DENND4C: variants seen among roughly 807,000 people sequenced by gnomAD.
DENND4C encodes DENN domain containing 4C, also known as DENN domain-containing protein 4C.
In DENND4C, 108 loss-of-function variants were observed where a neutral mutation model predicts 203.0. The observed-to-expected ratio is 0.53, with a 90% CI of 0.46 to 0.62. The LOEUF is 0.62. Among genes scored for constraint, DENND4C ranks in the 20% least tolerant of loss-of-function variants. The probability of loss-of-function intolerance (pLI) is 0.00; values close to 1 mark genes in which losing one functional copy is unlikely to be tolerated. For synonymous variants in DENND4C, 871 were observed against 792.4 expected, an observed-to-expected ratio of 1.10 and a Z score of -1.67; for missense variants, 2,481 against 2,301.2, an observed-to-expected ratio of 1.08 and a Z score of -1.60.
chr9:19,329,622 A>G (rs1425916983), intron 16 of DENND4C, among the ~76,000 whole-genome samples: 3 of 152,190 alleles, frequency 2.0e-5, no homozygotes, highest in Non-Finnish European at 4.4e-5. Context: ...AGGCACTTCC[A>G]GGCTGTTTTC....
At position 19,357,165 on chromosome 9, in the gene DENND4C, G is replaced by A. The variant is rs756858685; in HGVS notation, c.4964+11G>A. ...TGCAGTTGAACCAAGGTATCAAAGG[G>A]TACAGAGACCTCTTTATGTAGTAAT... is the stretch of plus-strand genomic sequence containing the variant. On this transcript the variant is annotated intron_variant, in intron 27 of 32. Coordinates refer to ENST00000434457, the MANE Select transcript of DENND4C (RefSeq NM_001330640.2). 4 of 1,613,392 alleles carry A rather than the reference G, an allele frequency of 2.5e-6. No homozygotes were observed. Among genetic ancestry groups the A allele is most frequent in the Non-Finnish European group, 3.4e-6 (4 of 1,179,610 alleles).
In DENND4C at chr9:19,276,497, C is replaced by A. The variant is rs1832917708; in HGVS notation, c.305+18C>A. 2 of 1,228,624 alleles carry A rather than the reference C, an allele frequency of 1.6e-6. No individual in the cohort carries two copies. The highest frequency in any genetic ancestry group is 3.1e-5 in the African/African-American group (2 of 64,324). 76.1% of individuals were successfully genotyped at this position (1,228,624 alleles called of 1,614,324 possible). A position where few individuals can be genotyped will look rare whatever the true frequency, so the allele number is the denominator to read the frequency against. On this transcript the variant is annotated intron_variant, in intron 2 of 32. Coordinates refer to ENST00000434457, the MANE Select transcript of DENND4C (RefSeq NM_001330640.2). ...GATATTGGGTATGGTGACTTCTTTT[C>A]TTTGCTATAGTGAAGGAGTAAAATT...
chr9:19,370,105 CTATT>C, intron 31 of DENND4C, 118 bp downstream of exon 31: 1 of 1,219,210 alleles, frequency 8.2e-7, no homozygotes, highest in Non-Finnish European at 1.2e-6. Context: ...TGCAAAACAT[CTATT>C]GTTTTAAGTG....
intron 2 of DENND4C, among the ~76,000 whole-genome samples, chr9:19,278,228 C>T (rs1272522836): frequency 6.6e-6 from 1 of 151,910 alleles, no homozygotes; most frequent in Non-Finnish European, 1.5e-5. Context: ...CTCCGCCTCC[C>T]GGGTTCAAGT....
intron 12 of DENND4C, among the ~76,000 whole-genome samples, chr9:19,319,084 G>A (rs536634540): frequency 3.6e-4 from 55 of 151,390 alleles, no homozygotes; most frequent in Admixed American, 9.9e-4. Context: ...CAGGAGAATC[G>A]CTTCATCCCG....
chr9:19,305,530 A>G lies in DENND4C; in HGVS notation c.1487+3A>G, dbSNP rs1304399712. On this transcript the variant is annotated splice_donor_region_variant and intron_variant, in intron 10 of 32. Transcript: ENST00000434457. Reference sequence around the variant, plus strand: ...TTGGATACGAACATGTTATATGTGTAAGTTGATTCATTTTATATTATCTCC... The same window carrying G: ...TTGGATACGAACATGTTATATGTGTGAGTTGATTCATTTTATATTATCTCC... 1.2e-6 allele frequency: 2 copies of G among 1,607,766 alleles called. No homozygotes were observed. Among genetic ancestry groups the G allele is most frequent in the Admixed American group, 1.7e-5 (1 of 59,716 alleles).
At chr9:19,289,526 A>G (rs1204979824) in intron 4 of DENND4C, among the ~76,000 whole-genome samples, 3 of 152,282 alleles carry the variant, frequency 2.0e-5, no homozygotes, top group African/African-American at 7.2e-5. Flanking sequence ...ATTCAGTATC[A>G]TTTTAAAATC....
At chr9:19,270,379 A>G (rs899531469) in intron 1 of DENND4C, among the ~76,000 whole-genome samples, 7 of 152,160 alleles carry the variant, frequency 4.6e-5, no homozygotes, top group African/African-American at 1.7e-4. Context: ...GGATGGGTCT[A>G]GAAATGCTGT....
chr9:19,234,530 G>GTTTTTT (rs34232597), intron 1 of DENND4C, among the ~76,000 whole-genome samples: 2 of 104,444 alleles, frequency 1.9e-5, no homozygotes, highest in Non-Finnish European at 3.6e-5. Flanking sequence ...GCACCTGGCT[G>GTTTTTT]TTTTTTTTTT....
chr9:19,260,000 T>C (rs1022714365), intron 1 of DENND4C, among the ~76,000 whole-genome samples: 1 of 152,194 alleles, frequency 6.6e-6, no homozygotes, highest in African/African-American at 2.4e-5. Flanking sequence ...TGCTGGATTG[T>C]ATGATAGTTC....
chr9:19,356,148 ATACT>A (rs1400221443), intron 26 of DENND4C, among the ~76,000 whole-genome samples: 1 of 152,062 alleles, frequency 6.6e-6, no homozygotes, highest in Non-Finnish European at 1.5e-5. Context: ...ACACTTTACT[ATACT>A]TAGTCTATCA....
chr9:19,291,795 C>T (rs987079971), intron 5 of DENND4C, among the ~76,000 whole-genome samples: 1 of 149,988 alleles, frequency 6.7e-6, no homozygotes, highest in East Asian at 2.0e-4. Flanking sequence ...GTGGTACATA[C>T]AAATGTAAAA....
intron 8 of DENND4C, 32 bp from the exon 9 acceptor site, chr9:19,300,155 C>T (rs1012578079): frequency 1.3e-6 from 2 of 1,565,932 alleles, no homozygotes; most frequent in African/African-American, 1.4e-5. Context: ...AAATAGTTCA[C>T]AATGATCTAC....
chr9:19,361,977 A>G lies in DENND4C; in HGVS notation c.5524+14A>G, dbSNP rs1826582536. On this transcript the variant is annotated intron_variant, in intron 30 of 32. Coordinates refer to ENST00000434457, the MANE Select transcript of DENND4C (RefSeq NM_001330640.2). Reference sequence around the variant, plus strand: ...GGAGGAATTTTAGTAAGTAAAATAGAATTAAAGACATAACAGCCAGGTGCA... The same window carrying G: ...GGAGGAATTTTAGTAAGTAAAATAGGATTAAAGACATAACAGCCAGGTGCA... 1 of 1,499,204 alleles carries G rather than the reference A, an allele frequency of 6.7e-7. No homozygotes were observed. The highest frequency in any genetic ancestry group is 9.3e-7 in the Non-Finnish European group (1 of 1,077,120). 92.9% of individuals were successfully genotyped at this position (1,499,204 alleles called of 1,614,324 possible).
chr9:19,361,880 T>C lies in DENND4C; in HGVS notation c.5441T>C (p.Leu1814Pro), dbSNP rs906436032. The stretch of plus-strand genomic sequence containing the variant: ...TCATCTCTGTCCCAGGATAGCAAAC[T>C]TGTGTATATTCAGCTGTTATGGGAT... ...PLSSLSQDSKLVYIQLLWDNI... is the reference protein window; with the variant it reads ...PLSSLSQDSKPVYIQLLWDNI... Residue 1814 changes from leucine to proline, a missense_variant, in exon 30 of 33, where the codon CTT (leucine) becomes CCT (proline). Physicochemically the swap from Leu to Pro is moderately conservative, Grantham distance 98. Transcript: ENST00000434457. 5.6e-6 allele frequency: 9 copies of C among 1,612,202 alleles called. No homozygotes were observed. The highest frequency in any genetic ancestry group is 1.3e-5 in the African/African-American group (1 of 74,866).
chr9:19,258,236 C>T (rs116350533), intron 1 of DENND4C, among the ~76,000 whole-genome samples: 3,182 of 152,192 alleles, frequency 0.021, 118 homozygotes, highest in African/African-American at 0.072. Flanking sequence ...GCATAAAGAT[C>T]CAGACTCATG....
chr9:19,336,558 T>G, intron 19 of DENND4C, 128 bp from the exon 20 acceptor site: 1 of 1,430,374 alleles, frequency 7.0e-7, no homozygotes, highest in Non-Finnish European at 9.2e-7. Context: ...TAGTCCAAAA[T>G]TATTTTTGTT....
chr9:19,336,756 T>G lies in DENND4C; in HGVS notation c.2805T>G (p.Asp935Glu). The change falls in exon 20 of 33, where the codon GAT becomes GAG. Residue 935 changes from aspartate to glutamate, a missense_variant. By Grantham distance (45) the Asp-to-Glu change is conservative. Transcript: ENST00000434457. ...VSHGSVDSSN[D>E]ANNGEHTVFV... ...ACGGTAGTGTGGATAGTTCTAATGA[T>G]GCTAACAATGGGGAGCACACAGTCT... 1.9e-6 allele frequency: 3 copies of G among 1,551,040 alleles called. No homozygotes were observed. The highest frequency in any genetic ancestry group is 2.0e-5 in the Admixed American group (1 of 51,002).
chr9:19,329,480 T>G (rs1375831070), intron 16 of DENND4C, among the ~76,000 whole-genome samples: 1 of 152,248 alleles, frequency 6.6e-6, no homozygotes, highest in Non-Finnish European at 1.5e-5. Flanking sequence ...TTCCTACTTC[T>G]TGGCTATTAT....
Sources: allele counts gnomAD v4.1 joint callset (sites outside exome capture counted in the v4.1 genomes callset), GRCh38; gene constraint gnomAD v4.1.1; transcripts MANE v1.5; gene names NCBI Gene and HGNC (gene_info 2026-07-23, HGNC 2026-07-21).